KAZN: variants seen among roughly 807,000 people sequenced by gnomAD.
KAZN encodes kazrin, periplakin interacting protein.
KAZN carries 40 observed loss-of-function variants against 87.4 expected under a neutral mutation model. The ratio of observed to expected loss-of-function variants is 0.46; its 90% confidence interval spans 0.36 to 0.60. KAZN has a LOEUF of 0.60. Ranked by LOEUF, KAZN falls within the 20% of genes least tolerant of loss-of-function variation. The probability of loss-of-function intolerance (pLI) is 0.00; values close to 1 mark genes in which losing one functional copy is unlikely to be tolerated. For missense variants in KAZN, 898 were observed against 1,073.9 expected (o/e 0.84, Z 2.29); for synonymous variants, 466 against 458.3 (o/e 1.02, Z -0.22).
intron 2 of KAZN, among the ~76,000 whole-genome samples, chr1:14,447,363 C>T (rs988600337): frequency 6.6e-5 from 10 of 151,556 alleles, no homozygotes; most frequent in African/African-American, 2.2e-4. Flanking sequence ...CTCAGCCTCC[C>T]GAGTAGCTGG....
In KAZN at chr1:14,743,058, T is replaced by C. The variant is rs150116412; in HGVS notation, c.226+143835T>C. Among the ~76,000 whole-genome samples the C allele has an allele frequency of 5.3e-5, 8 of 152,276 alleles. No homozygotes were observed. The South Asian group carries it at 1.2e-3, about 24-fold the overall frequency. On this transcript the variant is annotated intron_variant, in intron 1 of 14. Coordinates refer to ENST00000376030, the MANE Select transcript of KAZN (RefSeq NM_201628.3). The stretch of plus-strand genomic sequence containing the variant: ...TATGGGAGGAAGAGCTGAGCTGCAC[T>C]GTGTGTGGGCCAGAGTGGTGCGTCG...
At chr1:14,779,044 TC>T (rs1645258564) in intron 1 of KAZN, among the ~76,000 whole-genome samples, 1 of 152,194 alleles carries the variant, frequency 6.6e-6, no homozygotes. Flanking sequence ...AGTGAGTGTT[TC>T]CATGACACAG....
At chr1:14,292,595 G>A (rs1306343360) in intron 2 of KAZN, among the ~76,000 whole-genome samples, 1 of 152,226 alleles carries the variant, frequency 6.6e-6, no homozygotes, top group African/African-American at 2.4e-5. Context: ...TGACTTGCCT[G>A]AAGCTGCCCC....
intron 2 of KAZN, among the ~76,000 whole-genome samples, chr1:14,231,277 T>C (rs1203405423): frequency 6.6e-6 from 1 of 152,202 alleles, no homozygotes; most frequent in African/African-American, 2.4e-5. Context: ...TGCAATCAAA[T>C]GAGCCCCTGA....
At chr1:13,979,164 A>C (rs1638533484) in intron 1 of KAZN, among the ~76,000 whole-genome samples, 1 of 152,162 alleles carries the variant, frequency 6.6e-6, no homozygotes, top group Non-Finnish European at 1.5e-5. Context: ...CATTGAAAGC[A>C]TCAAGCCCCA....
intron 2 of KAZN, among the ~76,000 whole-genome samples, chr1:14,190,525 C>G (rs1160088652): frequency 6.6e-6 from 1 of 152,160 alleles, no homozygotes; most frequent in Admixed American, 6.5e-5. Context: ...CAGCCTTTCT[C>G]TATAAGAGGC....
chr1:15,103,258 C>T (rs1641148003), intron 11 of KAZN, 101 bp from the exon 12 acceptor site: 6 of 825,722 alleles, frequency 7.3e-6, no homozygotes, highest in African/African-American at 3.4e-5. Flanking sequence ...CAGAGAGAGA[C>T]TCTGTCTCGG....
At chr1:13,995,784 G>A (rs1639485670) in intron 1 of KAZN, among the ~76,000 whole-genome samples, 1 of 152,148 alleles carries the variant, frequency 6.6e-6, no homozygotes, top group South Asian at 2.1e-4. Context: ...GACACTCCTT[G>A]CTCCTCAGCC....
At chr1:14,349,924 CAGG>C (rs540839284) in intron 2 of KAZN, among the ~76,000 whole-genome samples, 2 of 152,106 alleles carry the variant, frequency 1.3e-5, no homozygotes, top group Non-Finnish European at 2.9e-5. Flanking sequence ...ATCACGAGTT[CAGG>C]AGATCGAGAC....
At chr1:14,905,820 G>A (rs1250757001) in intron 1 of KAZN, among the ~76,000 whole-genome samples, 2 of 149,734 alleles carry the variant, frequency 1.3e-5, no homozygotes, top group African/African-American at 2.5e-5. Flanking sequence ...TCCAGCCTGG[G>A]CGAGACTGTG....
chr1:14,147,130 C>T (rs1645370331), intron 1 of KAZN, among the ~76,000 whole-genome samples: 1 of 152,118 alleles, frequency 6.6e-6, no homozygotes. Flanking sequence ...ATACAATGCA[C>T]AATATACATA....
Position 14,021,966 on chromosome 1 carries a change from T to TTTC in KAZN, c.91+128212_91+128213insCTT, listed in dbSNP as rs1190972279. 2.0e-5 allele frequency among the ~76,000 whole-genome samples: 3 copies of TTTC among 149,192 alleles called. 1 individual carries two copies. In the East Asian group the frequency reaches 5.9e-4, roughly 29 times the overall value. On this transcript the variant is annotated intron_variant, in intron 1 of 16. Transcript: ENST00000636203. ...TGAATGAACATGCTTTTTTTTTTTTTTTTTTTGTAACGACTTCTCAGGTGC... is the reference window on the plus strand; with the variant it reads ...TGAATGAACATGCTTTTTTTTTTTTTTTCTTTTTTGTAACGACTTCTCAGGTGC...
At chr1:14,710,751 C>T (rs1261161234) in intron 1 of KAZN, among the ~76,000 whole-genome samples, 3 of 152,186 alleles carry the variant, frequency 2.0e-5, no homozygotes, top group African/African-American at 2.4e-5. Flanking sequence ...AGCATTTGAC[C>T]TTTTGTGTAT....
At chr1:14,338,440 G>T (rs971910069) in intron 2 of KAZN, among the ~76,000 whole-genome samples, 2 of 148,934 alleles carry the variant, frequency 1.3e-5, no homozygotes, top group East Asian at 3.9e-4. Flanking sequence ...AGCTCAGATC[G>T]TGCCACTGCA....
intron 2 of KAZN, among the ~76,000 whole-genome samples, chr1:14,400,401 C>A (rs1241737263): frequency 1.3e-5 from 2 of 152,198 alleles, no homozygotes; most frequent in African/African-American, 4.8e-5. Flanking sequence ...TCCAGTCTGC[C>A]ATGAAAATAT....
chr1:14,943,479 C>G (rs917242479), intron 1 of KAZN, among the ~76,000 whole-genome samples: 1 of 152,182 alleles, frequency 6.6e-6, no homozygotes, highest in African/African-American at 2.4e-5. Flanking sequence ...CTGGCAAGGG[C>G]TGGTCTCACA....
chr1:14,605,750 A>G (rs1310533715), intron 1 of KAZN, among the ~76,000 whole-genome samples: 2 of 152,196 alleles, frequency 1.3e-5, no homozygotes, highest in Admixed American at 6.5e-5. Context: ...AAATTCACAT[A>G]TAAGTGGACC....
At chr1:14,833,969 T>TCA (rs56000715) in intron 1 of KAZN, among the ~76,000 whole-genome samples, 4,999 of 141,868 alleles carry the variant, frequency 0.035, 99 homozygotes, top group Middle Eastern at 0.069. Context: ...CCCAAGTCAT[T>TCA]CACACACACA....
intron 2 of KAZN, among the ~76,000 whole-genome samples, chr1:14,296,638 T>TC (rs1438445647): frequency 6.9e-6 from 1 of 144,704 alleles, no homozygotes; most frequent in Non-Finnish European, 1.5e-5. Flanking sequence ...TCTTTTTTTT[T>TC]TTTTTTTTTT....
Sources: gnomAD v4.1 joint callset for allele counts (sites outside exome capture counted in the v4.1 genomes callset) on GRCh38, gnomAD v4.1.1 for gene constraint, MANE v1.5 for transcripts, NCBI Gene and HGNC (gene_info 2026-07-23, HGNC 2026-07-21) for gene names.